CWC27: variants seen among roughly 807,000 people sequenced by gnomAD.
CWC27 encodes CWC27 spliceosome associated cyclophilin.
A neutral mutation model predicts 63.6 loss-of-function variants in CWC27; 47 were observed. The observed-to-expected ratio is 0.74, with a 90% confidence interval of 0.58 to 0.94. The LOEUF is 0.94. Among genes scored for constraint, CWC27 ranks in the 40% least tolerant of loss-of-function variants. The pLI is 0.00. For missense variants in CWC27, 495 were observed against 554.3 expected, an observed-to-expected ratio of 0.89 and a Z score of 1.07; for synonymous variants, 175 against 179.8, an observed-to-expected ratio of 0.97 and a Z score of 0.22.
intron 11 of CWC27, among the ~76,000 whole-genome samples, chr5:64,939,006 C>T (rs558493960): frequency 9.8e-5 from 15 of 152,290 alleles, no homozygotes; most frequent in African/African-American, 3.1e-4. Context: ...AGCAATTCTT[C>T]TAACCTTTTT....
intron 10 of CWC27, among the ~76,000 whole-genome samples, chr5:64,839,927 A>ATCC (rs895655384): frequency 6.6e-6 from 1 of 152,180 alleles, no homozygotes; most frequent in African/African-American, 2.4e-5. Flanking sequence ...CTCCTGACAC[A>ATCC]TCCTATAAAG....
intron 13 of CWC27, among the ~76,000 whole-genome samples, chr5:64,983,557 A>C (rs1749366112): frequency 6.6e-6 from 1 of 152,198 alleles, no homozygotes; most frequent in Non-Finnish European, 1.5e-5. Context: ...ACAGATTATG[A>C]CCCAATCTAT....
At chr5:64,956,182 G>A (rs1403669260) in intron 11 of CWC27, among the ~76,000 whole-genome samples, 1 of 151,980 alleles carries the variant, frequency 6.6e-6, no homozygotes, top group Non-Finnish European at 1.5e-5. Context: ...ATTAGGTATA[G>A]GAATATTAGA....
At chr5:64,837,843 AG>A (rs1745696856) in intron 10 of CWC27, among the ~76,000 whole-genome samples, 1 of 152,138 alleles carries the variant, frequency 6.6e-6, no homozygotes, top group Non-Finnish European at 1.5e-5. Flanking sequence ...GTATTTTTGA[AG>A]TTGAAAACTT....
At chr5:64,899,450 T>C (rs1747453053) in intron 11 of CWC27, among the ~76,000 whole-genome samples, 1 of 152,196 alleles carries the variant, frequency 6.6e-6, no homozygotes, top group East Asian at 1.9e-4. Flanking sequence ...AATAATCACA[T>C]TATTTGTAAA....
At chr5:64,955,860 T>G (rs2112429182) in intron 11 of CWC27, among the ~76,000 whole-genome samples, 1 of 152,268 alleles carries the variant, frequency 6.6e-6, no homozygotes, top group South Asian at 2.1e-4. Context: ...TTTACCAGGA[T>G]ATTTTCCAAA....
chr5:64,780,257 A>C (rs1391108862), intron 2 of CWC27, among the ~76,000 whole-genome samples: 1 of 152,096 alleles, frequency 6.6e-6, no homozygotes, highest in Admixed American at 6.5e-5. Context: ...TGTGACAGTC[A>C]TATTCCATCA....
intron 11 of CWC27, among the ~76,000 whole-genome samples, chr5:64,937,536 G>C (rs1401840731): frequency 6.6e-6 from 1 of 152,170 alleles, no homozygotes; most frequent in Non-Finnish European, 1.5e-5. Context: ...TTTAGAATAA[G>C]TGTGATGTGG....
intron 10 of CWC27, among the ~76,000 whole-genome samples, chr5:64,876,812 A>T (rs145083933): frequency 3.0e-3 from 454 of 152,222 alleles, no homozygotes; most frequent in South Asian, 5.4e-3. Context: ...GGGAAAAAAT[A>T]AAAACTAGAC....
intron 1 of CWC27, among the ~76,000 whole-genome samples, chr5:64,772,491 ATGT>A (rs1245577302): frequency 6.6e-6 from 1 of 151,436 alleles, no homozygotes; most frequent in Non-Finnish European, 1.5e-5. Flanking sequence ...GCCGGGCATG[ATGT>A]TGTGAGCCTG....
chr5:64,916,115 A>G (rs529542625), intron 11 of CWC27, among the ~76,000 whole-genome samples: 2 of 152,346 alleles, frequency 1.3e-5, no homozygotes, highest in South Asian at 4.1e-4. Context: ...CAAGTTTAAT[A>G]TGCCCACTAA....
rs1187982297 is a variant in CWC27 at position 64,977,147 on chromosome 5, C to A, written c.1165C>A (p.Leu389Met). 16 of 1,608,020 alleles carry A rather than the reference C, an allele frequency of 1.0e-5. No individual in the cohort carries two copies. The highest frequency in any genetic ancestry group is 1.4e-5 in the Non-Finnish European group (16 of 1,176,288). ...TSREDQTLALLNQFKSKLTQA... is the reference protein window; with the variant it reads ...TSREDQTLALMNQFKSKLTQA... ...ATTGTTATTTCAGACCCTTGCACTG[C>A]TGAACCAGTTTAAATCTAAACTCAC... is the stretch of plus-strand genomic sequence containing the variant. Residue 389 changes from leucine to methionine, a missense_variant, in exon 13 of 14, where the codon CTG becomes ATG. Around this residue, in one of 3 missense-constraint regions of CWC27, gnomAD observed 463 missense variants for 498.1 expected, o/e 0.93. Transcript: ENST00000381070.
chr5:64,815,573 GA>G (rs1218206527), intron 10 of CWC27, among the ~76,000 whole-genome samples: 3 of 152,124 alleles, frequency 2.0e-5, no homozygotes, highest in Non-Finnish European at 4.4e-5. Flanking sequence ...GATTTAAACA[GA>G]AATTGCTGTC....
intron 2 of CWC27, among the ~76,000 whole-genome samples, chr5:64,780,398 T>C (rs1035220069): frequency 6.6e-6 from 1 of 151,478 alleles, no homozygotes; most frequent in Non-Finnish European, 1.5e-5. Context: ...TTCAACTCTT[T>C]TGGATGTATA....
At chr5:64,889,217 A>G (rs1747161243) in intron 11 of CWC27, among the ~76,000 whole-genome samples, 1 of 152,192 alleles carries the variant, frequency 6.6e-6, no homozygotes, top group Non-Finnish European at 1.5e-5. Flanking sequence ...TAGAACAAAA[A>G]AAAAGGATAT....
intron 11 of CWC27, among the ~76,000 whole-genome samples, chr5:64,892,410 C>G (rs1747260155): frequency 6.6e-6 from 1 of 151,678 alleles, no homozygotes; most frequent in Non-Finnish European, 1.5e-5. Flanking sequence ...AACATTTATT[C>G]TTTGCAAAAA....
intron 10 of CWC27, among the ~76,000 whole-genome samples, chr5:64,852,065 T>C (rs1390515270): frequency 6.6e-6 from 1 of 152,202 alleles, no homozygotes; most frequent in Non-Finnish European, 1.5e-5. Context: ...GTTACCTGAA[T>C]TACTTCTCTT....
intron 13 of CWC27, among the ~76,000 whole-genome samples, chr5:64,979,409 T>C (rs1400103019): frequency 6.6e-6 from 1 of 152,192 alleles, no homozygotes; most frequent in Non-Finnish European, 1.5e-5. Flanking sequence ...CTATGCAGAA[T>C]CAGATAGCAT....
intron 11 of CWC27, among the ~76,000 whole-genome samples, chr5:64,928,949 C>T (rs1580731880): frequency 6.6e-6 from 1 of 150,498 alleles, no homozygotes; most frequent in Non-Finnish European, 1.5e-5. Flanking sequence ...TTGAACTTTT[C>T]TCAGTAGGCT....
Sources: gnomAD v4.1 joint callset for allele counts (sites outside exome capture counted in the v4.1 genomes callset) on GRCh38, gnomAD v4.1.1 for gene constraint, gnomAD v4.1.1 regional missense constraint, MANE v1.5 for transcripts, NCBI Gene and HGNC (gene_info 2026-07-23, HGNC 2026-07-21) for gene names.